The following PTPRD variants were observed in gnomAD, a reference collection of about 807,000 sequenced individuals.
The protein encoded by PTPRD is receptor-type tyrosine-protein phosphatase delta.
In PTPRD, 34 loss-of-function variants were observed where a neutral mutation model predicts 214.5. The ratio of observed to expected loss-of-function variants is 0.16; its 90% confidence interval spans 0.12 to 0.21. The LOEUF is 0.21. Ranked by LOEUF, PTPRD falls within the 10% of genes least tolerant of loss-of-function variation. PTPRD has a pLI of 1.00. For missense variants in PTPRD, 2,545 were observed against 2,398.7 expected (o/e 1.06, Z -1.27); for synonymous variants, 1,128 against 845.7 (o/e 1.33, Z -5.79).
chr9:10,311,005 C>T (rs1160408296), intron 3 of PTPRD, among the ~76,000 whole-genome samples: 1 of 151,790 alleles, frequency 6.6e-6, no homozygotes, highest in African/African-American at 2.4e-5. Flanking sequence ...TGATTGCAAA[C>T]TTCATTTGGC....
At chr9:8,530,598 T>C (rs1182474469) in intron 14 of PTPRD, among the ~76,000 whole-genome samples, 1 of 152,118 alleles carries the variant, frequency 6.6e-6, no homozygotes, top group African/African-American at 2.4e-5. Flanking sequence ...CTTGCAATCA[T>C]GCTAGCCTGG....
At chr9:8,683,300 T>C (rs1017761268) in intron 12 of PTPRD, among the ~76,000 whole-genome samples, 2 of 151,358 alleles carry the variant, frequency 1.3e-5, no homozygotes, top group Non-Finnish European at 2.9e-5. Flanking sequence ...AGGGAGAATA[T>C]AAGACCCTAA....
intron 10 of PTPRD, among the ~76,000 whole-genome samples, chr9:9,137,674 A>C (rs1473875747): frequency 1.3e-5 from 2 of 152,166 alleles, no homozygotes; most frequent in Non-Finnish European, 2.9e-5. Context: ...TTAAGCAAAA[A>C]TGTTAATCAA....
chr9:10,351,497 T>G (rs78011736), intron 2 of PTPRD, among the ~76,000 whole-genome samples: 1 of 152,052 alleles, frequency 6.6e-6, no homozygotes, highest in South Asian at 2.1e-4. Flanking sequence ...ATATATTGTA[T>G]TGGAGTCATG....
intron 9 of PTPRD, among the ~76,000 whole-genome samples, chr9:9,295,899 T>C (rs1314849485): frequency 1.3e-5 from 2 of 151,836 alleles, no homozygotes; most frequent in Admixed American, 1.3e-4. Context: ...GTAAAGCCTC[T>C]CTTTTTAGCC....
At chr9:10,020,381 G>A (rs1263058528) in intron 4 of PTPRD, among the ~76,000 whole-genome samples, 10 of 146,926 alleles carry the variant, frequency 6.8e-5, no homozygotes, top group South Asian at 6.7e-4. Flanking sequence ...GGCTCACTGC[G>A]ACCTCCACTT....
chr9:9,326,494 G>T (rs935505449), intron 9 of PTPRD, among the ~76,000 whole-genome samples: 1 of 151,958 alleles, frequency 6.6e-6, no homozygotes, highest in Non-Finnish European at 1.5e-5. Context: ...TTCTATGATT[G>T]CAAAGCTAGT....
At chr9:9,306,788 T>C (rs1053027613) in intron 9 of PTPRD, among the ~76,000 whole-genome samples, 1 of 152,242 alleles carries the variant, frequency 6.6e-6, no homozygotes. Flanking sequence ...TTTGTTAGCA[T>C]TGAGAGTAAA....
chr9:9,690,116 T>C (rs189059066), intron 7 of PTPRD, among the ~76,000 whole-genome samples: 1 of 152,014 alleles, frequency 6.6e-6, no homozygotes, highest in East Asian at 1.9e-4. Context: ...CCACATTGTA[T>C]GGGGGTTCTC....
intron 6 of PTPRD, among the ~76,000 whole-genome samples, chr9:9,742,382 G>A (rs920396232): frequency 3.9e-5 from 6 of 152,016 alleles, no homozygotes; most frequent in South Asian, 2.1e-4. Flanking sequence ...TTCACCTTTC[G>A]TAGAGAAATG....
chr9:10,181,542 T>C (rs1036836257), intron 3 of PTPRD, among the ~76,000 whole-genome samples: 1 of 152,132 alleles, frequency 6.6e-6, no homozygotes, highest in African/African-American at 2.4e-5. Flanking sequence ...TAACTTTTTT[T>C]TTCAGTTAAA....
chr9:10,187,621 G>A (rs1186912333), intron 3 of PTPRD, among the ~76,000 whole-genome samples: 2 of 152,096 alleles, frequency 1.3e-5, no homozygotes, highest in Non-Finnish European at 2.9e-5. Context: ...TAGGTACATC[G>A]CTCTCCAATA....
intron 7 of PTPRD, among the ~76,000 whole-genome samples, chr9:9,585,261 G>A (rs2091729999): frequency 6.6e-6 from 1 of 151,980 alleles, no homozygotes; most frequent in Non-Finnish European, 1.5e-5. Flanking sequence ...CTGTGCTCAG[G>A]GATGTTTGAG....
At chr9:8,961,719 A>C (rs1328838416) in intron 11 of PTPRD, among the ~76,000 whole-genome samples, 1 of 152,114 alleles carries the variant, frequency 6.6e-6, no homozygotes, top group Non-Finnish European at 1.5e-5. Flanking sequence ...TATTCAGACA[A>C]AGAAGCCCAA....
intron 3 of PTPRD, among the ~76,000 whole-genome samples, chr9:10,259,296 T>C (rs1397128065): frequency 6.6e-6 from 1 of 152,116 alleles, no homozygotes; most frequent in Non-Finnish European, 1.5e-5. Flanking sequence ...AGTGCTGGGA[T>C]TACAGGCGTG....
chr9:9,808,593 T>C (rs1210666006), intron 5 of PTPRD, among the ~76,000 whole-genome samples: 1 of 152,122 alleles, frequency 6.6e-6, no homozygotes, highest in Non-Finnish European at 1.5e-5. Flanking sequence ...ACAGTGCAGT[T>C]TTGCCCCTCA....
rs1163601578 is a variant in PTPRD, at chr9:8,331,872, A to AGAAACTTAGTTATGGT, written c.5380-152_5380-137dup. ...GAAAAAGTTAGGAACATGTTTAAAT[A>AGAAACTTAGTTATGGT]GAAACTTAGTTATGGTTTATCTGCT... is the stretch of plus-strand genomic sequence containing the variant. On this transcript the variant is annotated intron_variant, in intron 43 of 45. Transcript: ENST00000381196. The AGAAACTTAGTTATGGT allele has an allele frequency of 3.1e-5, 32 of 1,024,692 alleles. No homozygotes were observed. In the Admixed American group the frequency reaches 1.0e-3, roughly 33 times the overall value. 63.5% of individuals were successfully genotyped at this position (1,024,692 alleles called of 1,614,324 possible).
intron 8 of PTPRD, among the ~76,000 whole-genome samples, chr9:9,507,243 T>G (rs958525013): frequency 6.6e-6 from 1 of 151,298 alleles, no homozygotes; most frequent in Non-Finnish European, 1.5e-5. Context: ...GGATATACAA[T>G]ATATATTAAT....
At chr9:8,525,408 G>A (rs1031321985) in intron 17 of PTPRD, among the ~76,000 whole-genome samples, 1 of 152,014 alleles carries the variant, frequency 6.6e-6, no homozygotes, top group African/African-American at 2.4e-5. Context: ...TTTCATTTGG[G>A]TACCAAAAGT....
Sources: allele counts gnomAD v4.1 joint callset (sites outside exome capture counted in the v4.1 genomes callset), GRCh38; gene constraint gnomAD v4.1.1; transcripts MANE v1.5; gene names NCBI Gene and HGNC (gene_info 2026-07-23, HGNC 2026-07-21).